The following ENTPD1 variants were observed in gnomAD, a reference collection of about 807,000 sequenced individuals.
ENTPD1 encodes ATP diphosphohydrolase.
A neutral mutation model predicts 57.0 loss-of-function variants in ENTPD1; 33 were observed. The observed-to-expected ratio is 0.58, with a 90% confidence interval of 0.44 to 0.77. The LOEUF is 0.77. Ranked by LOEUF, ENTPD1 falls within the 30% of genes least tolerant of loss-of-function variation. The pLI is 0.00. For synonymous variants in ENTPD1, 202 were observed against 218.8 expected, an observed-to-expected ratio of 0.92 and a Z score of 0.68; for missense variants, 501 against 603.4, an observed-to-expected ratio of 0.83 and a Z score of 1.78.
At chr10:95,782,873 T>C (rs958587439) in intron 1 of ENTPD1, among the ~76,000 whole-genome samples, 2 of 152,166 alleles carry the variant, frequency 1.3e-5, no homozygotes, top group African/African-American at 4.8e-5. Flanking sequence ...GATAATGGGA[T>C]GGAGGCATGG....
intron 1 of ENTPD1, among the ~76,000 whole-genome samples, chr10:95,722,845 T>G (rs1164938612): frequency 1.3e-5 from 2 of 152,236 alleles, no homozygotes; most frequent in Non-Finnish European, 2.9e-5. Context: ...GTGGTTAAGG[T>G]TAAATCACCC....
intron 1 of ENTPD1, among the ~76,000 whole-genome samples, chr10:95,773,011 C>G (rs1043500846): frequency 6.6e-5 from 10 of 152,176 alleles, no homozygotes; most frequent in African/African-American, 1.9e-4. Flanking sequence ...GCTGCTTCCA[C>G]TCTTGGAGGA....
At position 95,875,583 on chromosome 10, in the gene ENTPD1, AT is replaced by A; in HGVS notation, c.*9204del. 1 of 170,124 alleles carries A rather than the reference AT, an allele frequency of 5.9e-6. No individual in the cohort carries two copies. Among genetic ancestry groups the A allele is most frequent in the Non-Finnish European group, 1.2e-5 (1 of 82,170 alleles). The allele number at this position is 170,124 out of a possible 1,614,324, so 10.5% of individuals were successfully genotyped here. ...CACCCAGTTCCAAAGTTGCTTCCAC[AT>A]TTTCGGGTATCTTTTCAGCAATGCC... On this transcript the variant is annotated 3_prime_UTR_variant, in exon 10 of 10. Transcript: ENST00000371205.
intron 1 of ENTPD1, among the ~76,000 whole-genome samples, chr10:95,784,834 C>T (rs371262293): frequency 1.3e-3 from 199 of 152,218 alleles, no homozygotes; most frequent in Non-Finnish European, 1.8e-3. Flanking sequence ...TACTTCACTC[C>T]ATCAGGCCAG....
intron 2 of ENTPD1, chr10:95,833,809 C>A: frequency 6.5e-6 from 1 of 153,100 alleles, no homozygotes; most frequent in South Asian, 1.8e-4. Flanking sequence ...AACTCTGCAT[C>A]CTCTGGAGGG....
intron 1 of ENTPD1, among the ~76,000 whole-genome samples, chr10:95,780,215 G>T (rs1185316406): frequency 6.6e-6 from 1 of 152,286 alleles, no homozygotes; most frequent in East Asian, 1.9e-4. Context: ...GTCCTCCCAT[G>T]TTCATTGTAG....
At chr10:95,802,865 G>A (rs1262525765) in intron 1 of ENTPD1, among the ~76,000 whole-genome samples, 3 of 152,066 alleles carry the variant, frequency 2.0e-5, no homozygotes, top group Non-Finnish European at 4.4e-5. Flanking sequence ...ATGGACATTT[G>A]GGTTGGTTCC....
intron 1 of ENTPD1, among the ~76,000 whole-genome samples, chr10:95,771,470 G>A (rs888329945): frequency 3.3e-5 from 5 of 152,206 alleles, no homozygotes; most frequent in African/African-American, 1.2e-4. Flanking sequence ...GGGAAGGAAT[G>A]TGCTCATGTT....
intron 2 of ENTPD1, among the ~76,000 whole-genome samples, chr10:95,834,882 C>T (rs1167508973): frequency 1.3e-5 from 2 of 151,704 alleles, no homozygotes; most frequent in South Asian, 2.1e-4. Flanking sequence ...TTCATGTGAT[C>T]ACTGCACTCC....
rs1477089275 is a variant in ENTPD1, at chr10:95,845,431, A to G, written c.648A>G (p.Gly216=). ...CCTTTGGAGCTTTGGACCTTGGGGGAGCCTCTACACAAGTCACTTTTGTAC... is the reference window on the plus strand; with the variant it reads ...CCTTTGGAGCTTTGGACCTTGGGGGGGCCTCTACACAAGTCACTTTTGTAC... ...QETFGALDLG[G]ASTQVTFVPQ... is the part of the protein sequence containing the mutation. Residue 216 remains glycine (G), a synonymous_variant, in exon 6 of 10, where the codon GGA becomes GGG. Transcript: ENST00000371205. The G allele has an allele frequency of 6.2e-7, 1 of 1,614,098 alleles. No homozygotes were observed. The highest frequency in any genetic ancestry group is 2.2e-5 in the East Asian group (1 of 44,878).
intron 1 of ENTPD1, among the ~76,000 whole-genome samples, chr10:95,786,022 G>A (rs1472988904): frequency 6.6e-6 from 1 of 152,110 alleles, no homozygotes; most frequent in Admixed American, 6.6e-5. Flanking sequence ...AGACAAGAGT[G>A]GGCACTTGGT....
At chr10:95,755,773 A>G (rs2098020690), upstream of ENTPD1, 6 of 1,535,186 alleles carry the variant, frequency 3.9e-6, no homozygotes, top group African/African-American at 1.4e-5. Flanking sequence ...CAAGGTAACA[A>G]CTTTCTTATT....
At chr10:95,828,556 T>C (rs2098385841) in intron 2 of ENTPD1, among the ~76,000 whole-genome samples, 1 of 152,154 alleles carries the variant, frequency 6.6e-6, no homozygotes, top group South Asian at 2.1e-4. Flanking sequence ...GTCAAAAAGG[T>C]TGGAGACCAC....
upstream of ENTPD1, chr10:95,755,932 A>G (rs2098021428): frequency 2.0e-6 from 3 of 1,483,210 alleles, no homozygotes; most frequent in Non-Finnish European, 2.7e-6. Context: ...GAAGGGAGAA[A>G]GAGAGAGAGA....
intron 2 of ENTPD1, among the ~76,000 whole-genome samples, chr10:95,824,479 C>A (rs147501197): frequency 3.9e-5 from 6 of 152,338 alleles, no homozygotes; most frequent in African/African-American, 1.4e-4. Context: ...ACAGCAGTCC[C>A]TTTGTCAAGA....
chr10:95,754,364 G>A (rs1033300924), upstream of ENTPD1: 5 of 150,438 alleles, frequency 3.3e-5, no homozygotes, highest in Admixed American at 1.3e-4. Flanking sequence ...GTAGAGAACC[G>A]TTGCCACAGC....
intron 1 of ENTPD1, among the ~76,000 whole-genome samples, chr10:95,769,645 T>C (rs966833227): frequency 3.9e-5 from 6 of 152,214 alleles, no homozygotes; most frequent in Non-Finnish European, 7.3e-5. Flanking sequence ...TCACTCTGGC[T>C]GCATTGTAGA....
chr10:95,756,154 A>AC, upstream of ENTPD1: 1 of 1,556,112 alleles, frequency 6.4e-7, no homozygotes, highest in East Asian at 2.4e-5. Flanking sequence ...TTCCTTGAGG[A>AC]CCTCTCTCAC....
chr10:95,773,339 T>A (rs906007968), intron 1 of ENTPD1, among the ~76,000 whole-genome samples: 22 of 152,288 alleles, frequency 1.4e-4, no homozygotes, highest in Non-Finnish European at 1.6e-4. Flanking sequence ...ATGAAAACAT[T>A]TATCTTCTTG....
Sources: allele counts gnomAD v4.1 joint callset (sites outside exome capture counted in the v4.1 genomes callset), GRCh38; gene constraint gnomAD v4.1.1; transcripts MANE v1.5; gene names NCBI Gene and HGNC (gene_info 2026-07-23, HGNC 2026-07-21).